TLE2: variants seen among roughly 807,000 people sequenced by gnomAD.
TLE2 encodes the protein TLE family member 2, transcriptional corepressor.
In TLE2, 74 loss-of-function variants were observed where a neutral mutation model predicts 97.2. The ratio of observed to expected loss-of-function variants is 0.76; its 90% confidence interval spans 0.63 to 0.92. TLE2 has a LOEUF of 0.92. TLE2 is among the 40% of genes least tolerant of loss of function. TLE2 has a pLI of 0.00. For missense variants in TLE2, 1,038 were observed against 1,008.7 expected (o/e 1.03, Z -0.39); for synonymous variants, 499 against 432.1 (o/e 1.15, Z -1.92).
rs767701764 is a variant in TLE2, at chr19:3,019,392, G to A, written c.441C>T (p.Gly147=). The part of the protein sequence containing the change: ...PLTPRPAGLV[G]GSATGLLALS... ...GAGCAAGCAGCCCCGTAGCACTGCCGCCCACCAGCCCGGCTGGGCGGGGGG... is the reference window on the plus strand; with the variant it reads ...GAGCAAGCAGCCCCGTAGCACTGCCACCCACCAGCCCGGCTGGGCGGGGGG... Residue 147 remains glycine (G), a synonymous_variant, in exon 7 of 20, where the codon GGC becomes GGT. Transcript: ENST00000262953. This position sits in a 1 kb window ranked among gnomAD's most constrained non-coding sequence, Gnocchi z 5.1. 61 of 1,542,986 alleles carry A rather than the reference G, an allele frequency of 4.0e-5. No homozygotes were observed. In the East Asian group the frequency reaches 4.4e-4, roughly 11 times the overall value.
upstream of TLE2, among the ~76,000 whole-genome samples, chr19:3,046,427 C>T (rs752172021): frequency 1.7e-4 from 26 of 152,218 alleles, no homozygotes; most frequent in Admixed American, 7.9e-4. Context: ...CACCCCTCCC[C>T]GCCCCCAACC....
intron 4 of TLE2, among the ~76,000 whole-genome samples, chr19:3,026,382 A>G (rs899139961): frequency 6.7e-6 from 1 of 150,038 alleles, no homozygotes; most frequent in African/African-American, 2.5e-5. Context: ...CAGGAGGCAG[A>G]GGTTGCAGTG....
At chr19:3,016,589 CAAA>C (rs10603560) in intron 8 of TLE2, among the ~76,000 whole-genome samples, 5,388 of 106,742 alleles carry the variant, frequency 0.05, 165 homozygotes, top group African/African-American at 0.1. Context: ...GACTCAGTCT[CAAA>C]AAAAAAAAAA....
intron 18 of TLE2, 98 bp from the exon 19 acceptor site, chr19:3,000,821 T>G: frequency 1.5e-5 from 9 of 596,408 alleles, no homozygotes; most frequent in African/African-American, 2.8e-5. Flanking sequence ...GTCTGGCCTC[T>G]CCCTTTTTTT....
intron 19 of TLE2, among the ~76,000 whole-genome samples, chr19:2,999,048 G>A (rs1010889549): frequency 5.9e-5 from 9 of 152,118 alleles, no homozygotes; most frequent in Non-Finnish European, 1.0e-4. Flanking sequence ...TCCGGAGGCC[G>A]AGGCAGGTGG....
At chr19:3,026,455 T>TAAAAAAAAAA (rs34783402) in intron 4 of TLE2, among the ~76,000 whole-genome samples, 2 of 111,320 alleles carry the variant, frequency 1.8e-5, no homozygotes, top group Non-Finnish European at 3.8e-5. Flanking sequence ...TCTCAAAATT[T>TAAAAAAAAAA]AAAAAAAAAA....
At chr19:3,039,225 CAAA>C (rs1198237452) in intron 1 of TLE2, among the ~76,000 whole-genome samples, 6 of 103,854 alleles carry the variant, frequency 5.8e-5, no homozygotes, top group Non-Finnish European at 6.0e-5. Flanking sequence ...TTCCCCACTC[CAAA>C]AAAAAAAAAA....
intron 17 of TLE2, among the ~76,000 whole-genome samples, chr19:3,003,341 G>A (rs954234244): frequency 6.6e-6 from 1 of 152,138 alleles, no homozygotes; most frequent in Non-Finnish European, 1.5e-5. Context: ...GCAAGACTAT[G>A]AAAGACCAGG....
rs568695730 is a variant in TLE2, at chr19:2,999,991, A to C, written c.2124+656T>G. ...GAGCTTGCAGTGAGCCGAGATCGCAACACTGCACTCCAGCCTGGGAGACAG... is the reference window on the plus strand; with the variant it reads ...GAGCTTGCAGTGAGCCGAGATCGCACCACTGCACTCCAGCCTGGGAGACAG... On this transcript the variant is annotated intron_variant, in intron 19 of 19. Transcript: ENST00000262953. 3.1e-3 allele frequency among the ~76,000 whole-genome samples: 453 copies of C among 146,018 alleles called. 3 individuals carry two copies. Among genetic ancestry groups the C allele is most frequent in the African/African-American group, 1.0e-2 (397 of 39,818 alleles).
rs778164849 is a variant in TLE2, at chr19:3,019,406, C to G, written c.427G>C (p.Ala143Pro). Residue 143 changes from alanine (A) to proline (P), a missense_variant, in exon 7 of 20, where the codon GCC becomes CCC. Coordinates refer to ENST00000262953, the MANE Select transcript of TLE2 (RefSeq NM_003260.5). The surrounding 1 kb of genome is among the most constrained non-coding windows in gnomAD (Gnocchi z 5.1). ...GTAGCACTGCCGCCCACCAGCCCGG[C>G]TGGGCGGGGGGTGAGGGGCACAGGG... ...APPVPLTPRP[A>P]GLVGGSATGL... is the part of the protein sequence containing the mutation. 1.9e-6 allele frequency: 3 copies of G among 1,539,672 alleles called. No homozygotes were observed. The South Asian group carries it at 3.6e-5, about 18-fold the overall frequency.
intron 5 of TLE2, among the ~76,000 whole-genome samples, chr19:3,024,329 T>C (rs1162555356): frequency 1.3e-5 from 2 of 151,908 alleles, no homozygotes; most frequent in African/African-American, 4.8e-5. Context: ...TTTTAACCAT[T>C]TGTAAGTGCA....
At chr19:3,029,497 C>T (rs1412174808), upstream of TLE2, 47 of 976,918 alleles carry the variant, frequency 4.8e-5, no homozygotes, top group Non-Finnish European at 5.2e-5. Context: ...CACCCCCTCC[C>T]GGAGGGGCGG....
rs1421376056 is a variant in TLE2 at position 3,000,785 on chromosome 19, G to C, written c.2048-62C>G. ...CACTAACGAGAGACCCGGGCTGCAG[G>C]GGGAGGTCGGGGAAGCTGGGTCTGG... is the stretch of plus-strand genomic sequence containing the variant. On this transcript the variant is annotated intron_variant, in intron 18 of 19. Coordinates refer to ENST00000262953, the MANE Select transcript of TLE2 (RefSeq NM_003260.5). 14 of 1,323,230 alleles carry C rather than the reference G, an allele frequency of 1.1e-5. No homozygotes were observed. In the South Asian group the frequency reaches 1.6e-4, roughly 15 times the overall value. 82.0% of individuals were successfully genotyped at this position (1,323,230 alleles called of 1,614,324 possible).
At chr19:3,002,689 T>TCA (rs2089390205) in intron 17 of TLE2, among the ~76,000 whole-genome samples, 186 bp from the exon 18 acceptor site, 1 of 150,410 alleles carries the variant, frequency 6.6e-6, no homozygotes, top group Non-Finnish European at 1.5e-5. Flanking sequence ...GCATGCACCA[T>TCA]CACGCTGGAT....
At position 3,028,814 on chromosome 19, in the gene TLE2, T is replaced by A. The variant is rs780631160; in HGVS notation, c.25-11A>T. 1.3e-5 allele frequency: 20 copies of A among 1,516,984 alleles called. No individual in the cohort carries two copies. The allele number at this position is 1,516,984 out of a possible 1,614,324, so 94.0% of individuals were successfully genotyped here. On this transcript the variant is annotated splice_polypyrimidine_tract_variant and intron_variant, in intron 1 of 19. Transcript: ENST00000262953. The stretch of plus-strand genomic sequence containing the variant: ...GGACTGGAGCGGGGTCTGGGGGGGG[T>A]GTGGGGGAAACGTCAGGGTCTGAGT...
At chr19:3,046,725 G>A (rs945518501), upstream of TLE2, among the ~76,000 whole-genome samples, 1 of 152,064 alleles carries the variant, frequency 6.6e-6, no homozygotes, top group African/African-American at 2.4e-5. Context: ...TCAGAATGGG[G>A]GAGGGGGGCT....
chr19:3,028,681 C>G (rs2089987866), intron 2 of TLE2, 25 bp downstream of exon 2: 4 of 1,610,762 alleles, frequency 2.5e-6, no homozygotes, highest in Non-Finnish European at 3.4e-6. Context: ...TGAACTCCCG[C>G]GGCCCCTGGG....
At chr19:3,008,656 G>A (rs569580498) in intron 14 of TLE2, among the ~76,000 whole-genome samples, 16 of 152,226 alleles carry the variant, frequency 1.1e-4, no homozygotes, top group African/African-American at 3.4e-4. Flanking sequence ...TTGCCATGTT[G>A]GCCAGGCTGG....
chr19:3,009,760 A>G, intron 12 of TLE2, 58 bp from the exon 13 acceptor site: 1 of 1,543,164 alleles, frequency 6.5e-7, no homozygotes. Context: ...CCCGCCTCCC[A>G]CTGCCTTGGG....
Sources: allele counts gnomAD v4.1 joint callset (sites outside exome capture counted in the v4.1 genomes callset), GRCh38; gene constraint gnomAD v4.1.1; non-coding constraint Gnocchi (gnomAD v3.1); transcripts MANE v1.5; gene names NCBI Gene and HGNC (gene_info 2026-07-23, HGNC 2026-07-21).